ATP6V1D: variants seen among roughly 807,000 people sequenced by gnomAD.
ATP6V1D encodes V-type proton ATPase subunit D.
In ATP6V1D, 20 loss-of-function variants were observed where a neutral mutation model predicts 39.4. That is an observed-to-expected ratio of 0.51 (90% confidence interval 0.36 to 0.74). ATP6V1D has a LOEUF of 0.74. Among genes scored for constraint, ATP6V1D ranks in the 30% least tolerant of loss-of-function variants. The pLI is 0.00. For missense variants in ATP6V1D, 228 were observed against 291.6 expected, an observed-to-expected ratio of 0.78 and a Z score of 1.59; for synonymous variants, 100 against 100.5, an observed-to-expected ratio of 0.99 and a Z score of 0.03.
At chr14:67,353,646 C>T (rs1251037479) in intron 1 of ATP6V1D, 2 of 152,132 alleles carry the variant, frequency 1.3e-5, no homozygotes, top group African/African-American at 4.8e-5. Context: ...TGCCACCAAG[C>T]CCAGCTATAT....
intron 1 of ATP6V1D, among the ~76,000 whole-genome samples, chr14:67,358,592 A>T (rs1423545902): frequency 6.6e-6 from 1 of 152,134 alleles, no homozygotes; most frequent in African/African-American, 2.4e-5. Context: ...CTCAGCCGCC[A>T]GGGAGGCTGA....
At chr14:67,348,625 G>T (rs182287138) in intron 4 of ATP6V1D, among the ~76,000 whole-genome samples, 1 of 152,016 alleles carries the variant, frequency 6.6e-6, no homozygotes, top group African/African-American at 2.4e-5. Context: ...GGGTTCAAGC[G>T]ATTCTCCTGC....
chr14:67,348,104 C>T (rs192251176), intron 4 of ATP6V1D, among the ~76,000 whole-genome samples: 20 of 150,378 alleles, frequency 1.3e-4, no homozygotes, highest in African/African-American at 2.0e-4. Context: ...AGATGAGTTT[C>T]GCTCTTGTTG....
At position 67,359,668 on chromosome 14, in the gene ATP6V1D, G is replaced by A. The variant is rs1382452548; in HGVS notation, c.31C>T (p.Pro11Ser). The A allele has an allele frequency of 1.9e-6, 3 of 1,614,034 alleles. No homozygotes were observed. Among genetic ancestry groups the A allele is most frequent in the Non-Finnish European group, 2.5e-6 (3 of 1,180,054 alleles). MSGKDRIEIFPSRMAQTIMKA... is the reference protein window; with the variant it reads MSGKDRIEIFSSRMAQTIMKA... ...CATTCCTTTACTTACATTCGCGAGG[G>A]AAAGATTTCAATTCGGTCTTTGCCC... The change falls in exon 1 of 9, where the codon CCC becomes TCC. Residue 11 changes from proline (P) to serine (S), a missense_variant. Physicochemically the swap from Pro to Ser is moderately conservative, Grantham distance 74. Around this residue, in one of 3 missense-constraint regions of ATP6V1D, gnomAD observed 104 missense variants for 120.2 expected, o/e 0.87. Coordinates refer to ENST00000216442, the MANE Select transcript of ATP6V1D (RefSeq NM_015994.4).
chr14:67,343,387 T>A lies in ATP6V1D; in HGVS notation c.508A>T (p.Asn170Tyr). The A allele has an allele frequency of 6.2e-7, 1 of 1,612,254 alleles. No individual in the cohort carries two copies. The highest frequency in any genetic ancestry group is 8.5e-7 in the Non-Finnish European group (1 of 1,178,454). Residue 170 changes from asparagine to tyrosine, a missense_variant, in exon 7 of 9, where the codon AAT (asparagine) becomes TAT (tyrosine). By Grantham distance (143) the Asn-to-Tyr change is moderately radical (BLOSUM62 -2). This residue lies in a region of ATP6V1D where 114 missense variants were observed against 128.3 expected (regional missense o/e 0.89). Transcript: ENST00000216442. ...TAATACTCACCATGTTCAATGGCAT[T>A]TACACGCCTGTTGGTTATCTTAATA... ...EAIKITNRRV[N>Y]AIEHVIIPRI...
At chr14:67,357,067 C>T (rs766839258) in intron 1 of ATP6V1D, among the ~76,000 whole-genome samples, 10 of 152,160 alleles carry the variant, frequency 6.6e-5, no homozygotes, top group African/African-American at 2.2e-4. Context: ...CTAAGAGCAG[C>T]GTGCACACTT....
At chr14:67,357,326 G>C (rs954983047) in intron 1 of ATP6V1D, among the ~76,000 whole-genome samples, 1 of 152,214 alleles carries the variant, frequency 6.6e-6, no homozygotes, top group Non-Finnish European at 1.5e-5. Context: ...TACTCAAAAA[G>C]TTTGACCTTT....
In ATP6V1D at chr14:67,343,360, C is replaced by T; in HGVS notation, c.523+12G>A. 6.2e-7 allele frequency: 1 copy of T among 1,604,450 alleles called. No individual in the cohort carries two copies. The highest frequency in any genetic ancestry group is 8.5e-7 in the Non-Finnish European group (1 of 1,171,742). On this transcript the variant is annotated intron_variant, in intron 7 of 8. Coordinates refer to ENST00000216442, the MANE Select transcript of ATP6V1D (RefSeq NM_015994.4). Reference sequence around the variant, plus strand: ...ACAAGTGACAAAGCACCTCACAGTACCTAATACTCACCATGTTCAATGGCA... The same window carrying T: ...ACAAGTGACAAAGCACCTCACAGTATCTAATACTCACCATGTTCAATGGCA...
chr14:67,352,619 G>A (rs142584288), intron 2 of ATP6V1D: 1 of 219,034 alleles, frequency 4.6e-6, no homozygotes, highest in African/African-American at 2.3e-5. Flanking sequence ...TGGGGAAAGA[G>A]TATTTCAGGC....
intron 2 of ATP6V1D, among the ~76,000 whole-genome samples, chr14:67,351,677 T>TTTCTTC (rs915614145): frequency 6.6e-6 from 1 of 151,578 alleles, no homozygotes; most frequent in Middle Eastern, 3.2e-3. Context: ...CTCTGCTAAT[T>TTTCTTC]TTCTTCTTCT....
chr14:67,339,073 C>G (rs1052683990), intron 8 of ATP6V1D, among the ~76,000 whole-genome samples: 10 of 148,668 alleles, frequency 6.7e-5, no homozygotes, highest in Non-Finnish European at 8.9e-5. Flanking sequence ...TCTTGGCTCA[C>G]TACAACCTCC....
chr14:67,345,893 C>G (rs752759611), intron 5 of ATP6V1D, 22 bp from the exon 6 acceptor site: 1 of 1,485,890 alleles, frequency 6.7e-7, no homozygotes, highest in Non-Finnish European at 9.4e-7. Context: ...AGTCAGACAA[C>G]ATTTTTAATT....
chr14:67,343,371 C>T lies in ATP6V1D; in HGVS notation c.523+1G>A, dbSNP rs2085599612. 1 of 1,609,830 alleles carries T rather than the reference C, an allele frequency of 6.2e-7. No homozygotes were observed. Among genetic ancestry groups the T allele is most frequent in the South Asian group, 1.1e-5 (1 of 90,854 alleles). On this transcript the variant is annotated splice_donor_variant, in intron 7 of 8. Coordinates refer to ENST00000216442, the MANE Select transcript of ATP6V1D (RefSeq NM_015994.4). LOFTEE classifies it high-confidence loss of function. Reference sequence around the variant, plus strand: ...AGCACCTCACAGTACCTAATACTCACCATGTTCAATGGCATTTACACGCCT... The same window carrying T: ...AGCACCTCACAGTACCTAATACTCATCATGTTCAATGGCATTTACACGCCT...
At chr14:67,341,355 C>T (rs1230872565) in intron 7 of ATP6V1D, among the ~76,000 whole-genome samples, 1 of 151,674 alleles carries the variant, frequency 6.6e-6, no homozygotes, top group South Asian at 2.1e-4. Context: ...ACCCTCCACC[C>T]GGCAGCCGCC....
intron 1 of ATP6V1D, among the ~76,000 whole-genome samples, chr14:67,356,700 A>C (rs958881239): frequency 3.9e-5 from 6 of 152,190 alleles, no homozygotes; most frequent in African/African-American, 1.4e-4. Flanking sequence ...GCTCCAACCT[A>C]CGTTCACTGT....
intron 3 of ATP6V1D, among the ~76,000 whole-genome samples, chr14:67,349,872 C>T (rs1207541579): frequency 1.3e-5 from 2 of 152,124 alleles, no homozygotes; most frequent in African/African-American, 4.8e-5. Flanking sequence ...TTCAAAGGGC[C>T]TTATTAAGGC....
intron 1 of ATP6V1D, 101 bp downstream of exon 1, chr14:67,359,557 C>G: frequency 1.5e-6 from 2 of 1,347,996 alleles, no homozygotes; most frequent in South Asian, 2.5e-5. Context: ...GCTCAGGATC[C>G]TCCCAGGAAA....
At chr14:67,345,897 TTTAA>T in intron 5 of ATP6V1D, 26 bp from the exon 6 acceptor site, 2 of 1,450,898 alleles carry the variant, frequency 1.4e-6, no homozygotes, top group Non-Finnish European at 1.9e-6. Context: ...AGACAACATT[TTTAA>T]TTAGAGTAAA....
chr14:67,342,317 T>A (rs1192915211), intron 7 of ATP6V1D, among the ~76,000 whole-genome samples: 1 of 151,872 alleles, frequency 6.6e-6, no homozygotes, highest in Non-Finnish European at 1.5e-5. Context: ...ACCCTTCTAG[T>A]GTCTTTTCTA....
Sources: allele counts gnomAD v4.1 joint callset (sites outside exome capture counted in the v4.1 genomes callset), GRCh38; gene constraint gnomAD v4.1.1; regional missense constraint gnomAD v4.1.1; transcripts MANE v1.5; gene names NCBI Gene and HGNC (gene_info 2026-07-23, HGNC 2026-07-21).